KLHL1: variants seen among roughly 807,000 people sequenced by gnomAD.
KLHL1 encodes kelch-like protein 1.
Under a neutral mutation model 77.7 loss-of-function variants are expected in KLHL1, and 47 were observed. That is an observed-to-expected ratio of 0.60 (90% CI 0.48 to 0.77). The LOEUF (loss-of-function observed/expected upper bound fraction) is 0.77. Among genes scored for constraint, KLHL1 ranks in the 30% least tolerant of loss-of-function variants. The pLI, the probability that KLHL1 is intolerant of heterozygous loss-of-function variation, is 0.00. For synonymous variants in KLHL1, 360 were observed against 325.2 expected (o/e 1.11, Z -1.15); for missense variants, 925 against 910.8 (o/e 1.02, Z -0.20).
intron 4 of KLHL1, among the ~76,000 whole-genome samples, chr13:69,913,884 T>A: frequency 6.6e-6 from 1 of 152,172 alleles, no homozygotes; most frequent in Non-Finnish European, 1.5e-5. Context: ...GTGAGGGTGC[T>A]GCCAAAGGAG....
At chr13:69,959,392 G>T (rs575601929) in intron 3 of KLHL1, among the ~76,000 whole-genome samples, 18 of 151,748 alleles carry the variant, frequency 1.2e-4, no homozygotes, top group Non-Finnish European at 2.1e-4. Context: ...TAATTATCCT[G>T]GCTACCTCTT....
intron 1 of KLHL1, among the ~76,000 whole-genome samples, chr13:70,022,157 G>A (rs185433075): frequency 1.3e-5 from 2 of 151,920 alleles, no homozygotes; most frequent in Admixed American, 1.3e-4. Flanking sequence ...TTTTGGGGGA[G>A]GGTATAAGGT....
At chr13:70,082,424 C>T (rs541946039) in intron 1 of KLHL1, among the ~76,000 whole-genome samples, 23 of 149,864 alleles carry the variant, frequency 1.5e-4, no homozygotes, top group Middle Eastern at 3.5e-3. Context: ...GATTTAAGGT[C>T]CAGGCTGGGG....
chr13:69,745,880 A>G (rs1874191186), intron 7 of KLHL1, among the ~76,000 whole-genome samples: 1 of 151,696 alleles, frequency 6.6e-6, no homozygotes, highest in Non-Finnish European at 1.5e-5. Context: ...ATGAAATATC[A>G]ATTGAGATGG....
chr13:70,103,409 G>C (rs958607848), intron 1 of KLHL1, among the ~76,000 whole-genome samples: 31 of 152,238 alleles, frequency 2.0e-4, no homozygotes, highest in African/African-American at 7.2e-4. Context: ...GCGAGTGTTG[G>C]AAGTCCTTTG....
intron 7 of KLHL1, among the ~76,000 whole-genome samples, chr13:69,743,461 A>C (rs547547304): frequency 1.3e-5 from 2 of 152,162 alleles, no homozygotes; most frequent in Non-Finnish European, 2.9e-5. Flanking sequence ...GGAATTTACT[A>C]ATAGAATGTA....
chr13:70,096,766 T>A (rs149088257), intron 1 of KLHL1, among the ~76,000 whole-genome samples: 1 of 151,990 alleles, frequency 6.6e-6, no homozygotes, highest in Non-Finnish European at 1.5e-5. Flanking sequence ...TATTCTGTGA[T>A]TGTTTCCAGA....
At chr13:70,084,910 G>A (rs1240226541) in intron 1 of KLHL1, among the ~76,000 whole-genome samples, 5 of 151,858 alleles carry the variant, frequency 3.3e-5, no homozygotes, top group Non-Finnish European at 4.4e-5. Flanking sequence ...TCTAAAACGC[G>A]GAATTTTGAA....
chr13:69,781,271 T>G (rs1248098231), intron 7 of KLHL1, among the ~76,000 whole-genome samples: 3 of 146,174 alleles, frequency 2.1e-5, no homozygotes, highest in African/African-American at 7.6e-5. Flanking sequence ...CTTGAGAGAC[T>G]CCTTTTTTTC....
chr13:70,019,966 G>T (rs1476031405), intron 1 of KLHL1, among the ~76,000 whole-genome samples: 2 of 152,028 alleles, frequency 1.3e-5, no homozygotes, highest in African/African-American at 4.8e-5. Context: ...CTGCTATTCT[G>T]CCTTTTGAAA....
At chr13:70,044,381 C>T (rs1371143260) in intron 1 of KLHL1, among the ~76,000 whole-genome samples, 1 of 152,072 alleles carries the variant, frequency 6.6e-6, no homozygotes, top group East Asian at 1.9e-4. Context: ...TACTATTTAG[C>T]CATTTCTTAT....
At chr13:69,886,336 T>G (rs1193146888) in intron 4 of KLHL1, among the ~76,000 whole-genome samples, 1 of 151,206 alleles carries the variant, frequency 6.6e-6, no homozygotes, top group African/African-American at 2.4e-5. Flanking sequence ...GCTAAAACAA[T>G]GTAGTTTTGT....
chr13:70,048,853 C>CG (rs1886563471), intron 1 of KLHL1, among the ~76,000 whole-genome samples: 1 of 152,154 alleles, frequency 6.6e-6, no homozygotes, highest in African/African-American at 2.4e-5. Context: ...CTGTGGGCTG[C>CG]GGGTTGGGGA....
intron 8 of KLHL1, among the ~76,000 whole-genome samples, chr13:69,726,327 G>C (rs929109497): frequency 6.6e-6 from 1 of 152,004 alleles, no homozygotes. Flanking sequence ...AACTTAGCTT[G>C]GTTCTTTGTT....
chr13:70,037,366 T>G (rs1886265522), intron 1 of KLHL1, among the ~76,000 whole-genome samples: 1 of 152,096 alleles, frequency 6.6e-6, no homozygotes, highest in Non-Finnish European at 1.5e-5. Context: ...TTTCAGTATC[T>G]CTTGGCTTTT....
At chr13:69,975,550 C>T in intron 2 of KLHL1, 70 bp downstream of exon 2, 1 of 1,292,908 alleles carries the variant, frequency 7.7e-7, no homozygotes, top group Non-Finnish European at 1.1e-6. Flanking sequence ...TAATATTCTG[C>T]AATCTGCATG....
At chr13:69,812,909 A>T (rs1877948085) in intron 6 of KLHL1, among the ~76,000 whole-genome samples, 1 of 145,160 alleles carries the variant, frequency 6.9e-6, no homozygotes, top group Non-Finnish European at 1.5e-5. Flanking sequence ...TGTGGAAGAC[A>T]GTGTGGCAAT....
chr13:69,795,628 TTTTAA>T (rs1168738958), intron 7 of KLHL1, among the ~76,000 whole-genome samples: 1 of 152,208 alleles, frequency 6.6e-6, no homozygotes, highest in Non-Finnish European at 1.5e-5. Context: ...TTCATAGTCA[TTTTAA>T]TTATTATATT....
chr13:69,757,077 T>C (rs1874782084), intron 7 of KLHL1, among the ~76,000 whole-genome samples: 1 of 152,164 alleles, frequency 6.6e-6, no homozygotes, highest in African/African-American at 2.4e-5. Flanking sequence ...GTCTCTTCAT[T>C]AGAATTCTGA....
Sources: gnomAD v4.1 joint callset for allele counts (sites outside exome capture counted in the v4.1 genomes callset) on GRCh38, gnomAD v4.1.1 for gene constraint, MANE v1.5 for transcripts, NCBI Gene and HGNC (gene_info 2026-07-23, HGNC 2026-07-21) for gene names.